Variants in NTM observed in about 807,000 individuals in gnomAD.
NTM encodes the protein IgLON family member 2.
Under a neutral mutation model 42.1 loss-of-function variants are expected in NTM, and 13 were observed. The observed-to-expected ratio is 0.31, with a 90% CI of 0.20 to 0.49. The LOEUF (loss-of-function observed/expected upper bound fraction) is 0.49, where lower values mean the gene tolerates loss of function less well. NTM is among the 20% of genes least tolerant of loss of function. The pLI is 0.99. For missense variants in NTM, 373 were observed against 452.8 expected (o/e 0.82, Z 1.60); for synonymous variants, 187 against 179.2 (o/e 1.04, Z -0.35).
In NTM at chr11:131,681,049, G is replaced by T; in HGVS notation, c.83-230515G>T. On this transcript the variant is annotated intron_variant, in intron 1 of 8. Transcript: ENST00000683400. ...TGTGTGTGAGCGTGTGTGTTTCTGT[G>T]TCTGTATGTCTCCCTGTGTGAGCGT... is the stretch of plus-strand genomic sequence containing the variant. 4.1e-5 allele frequency among the ~76,000 whole-genome samples: 2 copies of T among 48,672 alleles called. 1 individual carries two copies. The allele number at this position is 48,672 out of a possible 152,430, so 31.9% of individuals were successfully genotyped here. A position where few individuals can be genotyped will look rare whatever the true frequency, so the allele number is the denominator to read the frequency against.
intron 2 of NTM, among the ~76,000 whole-genome samples, chr11:131,953,720 A>G (rs190481967): frequency 1.3e-5 from 2 of 152,286 alleles, no homozygotes; most frequent in East Asian, 3.9e-4. Flanking sequence ...TAGAGCATCA[A>G]TTCACTTTCT....
intron 1 of NTM, among the ~76,000 whole-genome samples, chr11:131,831,099 ACAT>A (rs1157323476): frequency 2.0e-5 from 3 of 152,212 alleles, no homozygotes; most frequent in Non-Finnish European, 4.4e-5. Context: ...ATATGGAATC[ACAT>A]CATCAGCAAA....
chr11:131,768,738 G>A (rs545105938), intron 1 of NTM, among the ~76,000 whole-genome samples: 39 of 152,234 alleles, frequency 2.6e-4, no homozygotes, highest in Non-Finnish European at 4.3e-4. Flanking sequence ...AAAATGCTTC[G>A]CAATGTCTTG....
chr11:131,907,754 T>A (rs1468401987), intron 1 of NTM, among the ~76,000 whole-genome samples: 3 of 152,186 alleles, frequency 2.0e-5, no homozygotes, highest in Non-Finnish European at 4.4e-5. Context: ...TTGCTTTGAA[T>A]GTCATCCCTT....
At chr11:132,113,103 AT>A in intron 2 of NTM, among the ~76,000 whole-genome samples, 1 of 151,886 alleles carries the variant, frequency 6.6e-6, no homozygotes, top group East Asian at 1.9e-4. Context: ...CAAAGTGTTT[AT>A]TTTTCCGTAC....
At position 132,026,206 on chromosome 11, in the gene NTM, C is replaced by T. The variant is rs149017614; in HGVS notation, c.167+114558C>T. 6.3e-3 allele frequency among the ~76,000 whole-genome samples: 956 copies of T among 152,118 alleles called. 6 individuals are homozygous for T. The highest frequency in any genetic ancestry group is 0.02 in the African/African-American group (822 of 41,508). On this transcript the variant is annotated intron_variant, in intron 2 of 8. Transcript: ENST00000683400. ...TAATTATTATAATTATTGCTAATAC[C>T]GATAATATTCCTACTGCTAATGTAT...
Position 131,489,860 on chromosome 11 carries a change from T to G in NTM, c.82+118972T>G, listed in dbSNP as rs575848487. 4.6e-5 allele frequency among the ~76,000 whole-genome samples: 7 copies of G among 152,354 alleles called. No homozygotes were observed. The South Asian group carries it at 1.2e-3, about 27-fold the overall frequency. On this transcript the variant is annotated intron_variant, in intron 1 of 8. Coordinates refer to ENST00000683400, the MANE Select transcript of NTM (RefSeq NM_001352005.2). ...CTCTTTACTCTCTGCCTTAGTCTTTTTCTGTTGCTATAAAGGAATATCTGA... is the reference window on the plus strand; with the variant it reads ...CTCTTTACTCTCTGCCTTAGTCTTTGTCTGTTGCTATAAAGGAATATCTGA...
chr11:131,384,296 AC>A (rs758128876), intron 1 of NTM, among the ~76,000 whole-genome samples: 7 of 152,224 alleles, frequency 4.6e-5, no homozygotes, highest in Non-Finnish European at 1.0e-4. Context: ...AAGCAGATTG[AC>A]AAAAAGTGGA....
intron 2 of NTM, among the ~76,000 whole-genome samples, chr11:132,018,575 CCCA>C (rs2073822884): frequency 6.6e-6 from 1 of 151,820 alleles, no homozygotes; most frequent in South Asian, 2.1e-4. Flanking sequence ...TGCAATAAGT[CCCA>C]CTTAGCATGG....
At chr11:132,039,057 G>A (rs146052422) in intron 2 of NTM, among the ~76,000 whole-genome samples, 50 of 152,312 alleles carry the variant, frequency 3.3e-4, no homozygotes, top group African/African-American at 1.1e-3. Flanking sequence ...TGGTGTCCAT[G>A]GGGTGTTTGT....
chr11:131,763,707 C>CTTTTTTTTTT lies in NTM; in HGVS notation c.83-147856_83-147855insTTTTTTTTTT, dbSNP rs1443279848. On this transcript the variant is annotated intron_variant, in intron 1 of 8. Transcript: ENST00000683400. ...TTCTTATCCACAGGCCCATCTCTCT[C>CTTTTTTTTTT]TCTTTTTTTTTTTTTTTTTTTTTTT... Among the ~76,000 whole-genome samples, 38 of 60,786 alleles carry CTTTTTTTTTT rather than the reference C, an allele frequency of 6.3e-4. 2 individuals are homozygous for CTTTTTTTTTT. Among genetic ancestry groups the CTTTTTTTTTT allele is most frequent in the African/African-American group, 1.5e-3 (35 of 22,968 alleles). The allele number at this position is 60,786 out of a possible 152,430, so 39.9% of individuals were successfully genotyped here.
At chr11:131,500,001 A>G (rs1010722150) in intron 1 of NTM, among the ~76,000 whole-genome samples, 2 of 152,218 alleles carry the variant, frequency 1.3e-5, no homozygotes, top group Non-Finnish European at 2.9e-5. Flanking sequence ...GCTGTGTGTC[A>G]CTGCAAATGC....
chr11:132,097,292 G>A (rs116377886), intron 2 of NTM, among the ~76,000 whole-genome samples: 3,830 of 152,296 alleles, frequency 0.025, 70 homozygotes, highest in Middle Eastern at 0.11. Context: ...TTGGGAGTGT[G>A]ATTGACCTGG....
chr11:131,822,289 C>T (rs2136429931), intron 1 of NTM, among the ~76,000 whole-genome samples: 1 of 152,256 alleles, frequency 6.6e-6, no homozygotes, highest in Admixed American at 6.5e-5. Flanking sequence ...CCTCCTGGCA[C>T]CTCCACAATT....
intron 1 of NTM, among the ~76,000 whole-genome samples, chr11:131,500,444 G>C (rs957659313): frequency 7.9e-5 from 12 of 151,110 alleles, no homozygotes; most frequent in African/African-American, 2.9e-4. Context: ...AGTCCTGCTA[G>C]GTAAGTAAGT....
At chr11:131,828,718 A>G (rs1349737562) in intron 1 of NTM, among the ~76,000 whole-genome samples, 1 of 152,022 alleles carries the variant, frequency 6.6e-6, no homozygotes, top group Non-Finnish European at 1.5e-5. Context: ...ACGTCTCCAA[A>G]CCAGGACAAG....
At chr11:131,398,718 C>A (rs747381351) in intron 1 of NTM, among the ~76,000 whole-genome samples, 32 of 152,154 alleles carry the variant, frequency 2.1e-4, no homozygotes, top group Non-Finnish European at 4.1e-4. Context: ...ACTATACATT[C>A]TATTACCACC....
At chr11:132,042,847 C>CA (rs1226784498) in intron 2 of NTM, among the ~76,000 whole-genome samples, 1 of 152,152 alleles carries the variant, frequency 6.6e-6, no homozygotes, top group Non-Finnish European at 1.5e-5. Context: ...CTGCCATCCC[C>CA]ATTACATCAA....
chr11:132,109,809 C>T (rs1356957448), intron 2 of NTM, among the ~76,000 whole-genome samples: 2 of 152,220 alleles, frequency 1.3e-5, no homozygotes. Flanking sequence ...ACTCTTTCTT[C>T]CAAATCCCAA....
Sources: gnomAD v4.1 joint callset for allele counts (sites outside exome capture counted in the v4.1 genomes callset) on GRCh38, gnomAD v4.1.1 for gene constraint, MANE v1.5 for transcripts, NCBI Gene and HGNC (gene_info 2026-07-23, HGNC 2026-07-21) for gene names.